ZNF773: variants seen among roughly 807,000 people sequenced by gnomAD.
ZNF773 encodes zinc finger protein 773.
Under a neutral mutation model 12.8 loss-of-function variants are expected in ZNF773, and 11 were observed. The ratio of observed to expected loss-of-function variants is 0.86; its 90% CI spans 0.54 to 1.42. ZNF773 has a LOEUF of 1.42. ZNF773 is among the 40% of genes most tolerant of loss of function. ZNF773 has a pLI of 0.00. For missense variants in ZNF773, 518 were observed against 527.2 expected, an observed-to-expected ratio of 0.98 and a Z score of 0.17; for synonymous variants, 175 against 178.4, an observed-to-expected ratio of 0.98 and a Z score of 0.15.
intron 3 of ZNF773, 81 bp downstream of exon 3, chr19:57,505,481 G>T: frequency 6.8e-7 from 1 of 1,460,156 alleles, no homozygotes; most frequent in African/African-American, 1.4e-5. Flanking sequence ...AGTGGGCCCA[G>T]ATATTTTGAT....
rs745797509 is a variant in ZNF773, at chr19:57,505,371, G to T, written c.233G>T (p.Trp78Leu). The T allele has an allele frequency of 8.7e-6, 14 of 1,613,922 alleles. No homozygotes were observed. The African/African-American group carries it at 9.3e-5, about 11-fold the overall frequency. ...TGGGAGGAGCCCTTCATGCCTGCTT[G>T]GGAAGTTGTGACTTCAGCCATACTG... Reference protein sequence around the residue: ...ESWEEPFMPAWEVVTSAILRG... With the variant: ...ESWEEPFMPALEVVTSAILRG... Residue 78 changes from tryptophan to leucine, a missense_variant, in exon 3 of 4, where the codon TGG (tryptophan) becomes TTG (leucine). By Grantham distance (61) the Trp-to-Leu change is moderately conservative. Coordinates refer to ENST00000282292, the MANE Select transcript of ZNF773 (RefSeq NM_198542.3).
Position 57,507,407 on chromosome 19 carries a change from A to G in ZNF773, c.1312A>G (p.Thr438Ala). Reference protein sequence around the residue: ...SSLVKHRRIHTGEIQ With the variant: ...SSLVKHRRIHAGEIQ ...TCTTGTTAAACATCGAAGGATTCAC[A>G]CTGGAGAAATACAATGATTGTGAGA... is the stretch of plus-strand genomic sequence containing the variant. The change falls in exon 4 of 4, where the codon ACT becomes GCT. Residue 438 changes from threonine (T) to alanine (A), a missense_variant. Physicochemically the swap from Thr to Ala is moderately conservative, Grantham distance 58 (BLOSUM62 0). Coordinates refer to ENST00000282292, the MANE Select transcript of ZNF773 (RefSeq NM_198542.3). The G allele has an allele frequency of 1.2e-6, 2 of 1,600,644 alleles. No homozygotes were observed. Among genetic ancestry groups the G allele is most frequent in the Non-Finnish European group, 1.7e-6 (2 of 1,174,688 alleles).
chr19:57,501,284 T>TC (rs1003019938), intron 1 of ZNF773, among the ~76,000 whole-genome samples: 19 of 149,716 alleles, frequency 1.3e-4, no homozygotes, highest in African/African-American at 2.7e-4. Context: ...TTTCTTTCTT[T>TC]TTTTTTTTTT....
At position 57,507,130 on chromosome 19, in the gene ZNF773, C is replaced by A. The variant is rs1227512204; in HGVS notation, c.1035C>A (p.Ser345Arg). The stretch of plus-strand genomic sequence containing the variant: ...GAAAATTCTATAGCCACAAGTCCAG[C>A]CTTATCAATCATTGGCGTGTTCACA... ...ECGKFYSHKS[S>R]LINHWRVHTG... is the part of the protein sequence containing the mutation. The change falls in exon 4 of 4, where the codon AGC becomes AGA. Residue 345 changes from serine to arginine, a missense_variant. Transcript: ENST00000282292. The A allele has an allele frequency of 6.2e-7, 1 of 1,613,678 alleles. No individual in the cohort carries two copies. The highest frequency in any genetic ancestry group is 1.3e-5 in the African/African-American group (1 of 74,884).
chr19:57,507,753 T>C lies in ZNF773; in HGVS notation c.*329T>C. On this transcript the variant is annotated 3_prime_UTR_variant, in exon 4 of 4. Coordinates refer to ENST00000282292, the MANE Select transcript of ZNF773 (RefSeq NM_198542.3). ...ACTTTGGGAGGCTGAAGCGGGCGGA[T>C]CACAAGGTCAGGACATCGAAACCAT... is the stretch of plus-strand genomic sequence containing the variant. 4 of 1,075,974 alleles carry C rather than the reference T, an allele frequency of 3.7e-6. No individual in the cohort carries two copies. In the South Asian group the frequency reaches 1.1e-4, roughly 29 times the overall value. The allele number at this position is 1,075,974 out of a possible 1,614,324, so 66.7% of individuals were successfully genotyped here. A position where few individuals can be genotyped will look rare whatever the true frequency, so the allele number is the denominator to read the frequency against.
intron 1 of ZNF773, among the ~76,000 whole-genome samples, chr19:57,501,152 T>C (rs1198611889): frequency 1.3e-5 from 2 of 152,146 alleles, no homozygotes; most frequent in African/African-American, 2.4e-5. Context: ...TTTCCCTAGC[T>C]ATCAGCACAG....
At chr19:57,500,234 G>A in intron 1 of ZNF773, 121 bp downstream of exon 1, 1 of 1,338,190 alleles carries the variant, frequency 7.5e-7, no homozygotes, top group Non-Finnish European at 9.9e-7. Flanking sequence ...CTGACACGCA[G>A]TGTGATGGGG....
downstream of ZNF773, among the ~76,000 whole-genome samples, chr19:57,510,638 G>A (rs922297390): frequency 2.0e-5 from 3 of 151,888 alleles, no homozygotes; most frequent in Non-Finnish European, 2.9e-5. Context: ...ATTGAGTTTA[G>A]CAAGGTCCTA....
intron 1 of ZNF773, among the ~76,000 whole-genome samples, chr19:57,503,843 A>G (rs2089696437): frequency 6.6e-6 from 1 of 152,046 alleles, no homozygotes; most frequent in Non-Finnish European, 1.5e-5. Flanking sequence ...TTTCGGGTAG[A>G]GACAGGGTTT....
chr19:57,514,910 A>G (rs978538142), downstream of ZNF773: 13 of 152,218 alleles, frequency 8.5e-5, no homozygotes, highest in Non-Finnish European at 1.8e-4. Flanking sequence ...TCACAAGCCT[A>G]TTCCAGGCAG....
chr19:57,503,331 C>A (rs539411087), intron 1 of ZNF773, among the ~76,000 whole-genome samples: 1 of 152,106 alleles, frequency 6.6e-6, no homozygotes, highest in Non-Finnish European at 1.5e-5. Flanking sequence ...AGAACTGGGT[C>A]TCTTGCTTGG....
At chr19:57,513,085 C>T, downstream of ZNF773, 11 of 1,516,612 alleles carry the variant, frequency 7.3e-6, no homozygotes, top group Non-Finnish European at 9.7e-6. Flanking sequence ...TCTGCTGGAG[C>T]AGAGAAAGTG....
downstream of ZNF773, chr19:57,516,475 C>A (rs1208059445): frequency 3.9e-5 from 6 of 152,356 alleles, no homozygotes; most frequent in Admixed American, 3.3e-4. Flanking sequence ...ACCCCTAACT[C>A]CCCCTGACAG....
intron 1 of ZNF773, among the ~76,000 whole-genome samples, chr19:57,500,948 G>A (rs2089662801): frequency 6.6e-6 from 1 of 152,188 alleles, no homozygotes; most frequent in South Asian, 2.1e-4. Flanking sequence ...GAGTTTCGTG[G>A]TCCGAAGTGA....
In ZNF773 at chr19:57,499,943, C is replaced by G. The variant is rs1395484459; in HGVS notation, c.-138C>G. The G allele has an allele frequency of 6.1e-5, 73 of 1,201,006 alleles. No individual in the cohort carries two copies. The highest frequency in any genetic ancestry group is 8.1e-5 in the Non-Finnish European group (72 of 885,264). The allele number at this position is 1,201,006 out of a possible 1,614,324, so 74.4% of individuals were successfully genotyped here. On this transcript the variant is annotated 5_prime_UTR_variant, in exon 1 of 4. Transcript: ENST00000282292. ...CAGCTTGCCGGAAGCTGGTTGTTCG[C>G]TGCGGCGACCAGCTCCGGAAAGCGC...
At chr19:57,500,255 G>A (rs2089654031) in intron 1 of ZNF773, 142 bp downstream of exon 1, 2 of 1,222,126 alleles carry the variant, frequency 1.6e-6, no homozygotes, top group African/African-American at 1.6e-5. Flanking sequence ...TGGCAATGGA[G>A]GGCAAGGGGC....
rs147592761 is a variant in ZNF773 at position 57,507,181 on chromosome 19, T to C, written c.1086T>C (p.Ser362=). 2.2e-4 allele frequency: 363 copies of C among 1,613,984 alleles called. 1 individual carries two copies. The African/African-American group carries it at 4.2e-3, about 19-fold the overall frequency. Residue 362 remains serine, a synonymous_variant, in exon 4 of 4, where the codon AGT becomes AGC. Transcript: ENST00000282292. The stretch of plus-strand genomic sequence containing the variant: ...CTGGAGAAAGGCCTTATGAGTGCAG[T>C]GAATGTGGGAAATTTTTTAGCCAAA... ...VHTGERPYEC[S]ECGKFFSQSS...
Position 57,506,769 on chromosome 19 carries a change from G to A in ZNF773, c.674G>A (p.Gly225Glu). ...GEKPYECSEC[G>E]KLFSHKSNLF... ...AAGCCTTATGAATGCAGTGAATGTGGGAAGTTATTTAGCCATAAGTCCAAC... is the reference window on the plus strand; with the variant it reads ...AAGCCTTATGAATGCAGTGAATGTGAGAAGTTATTTAGCCATAAGTCCAAC... The change falls in exon 4 of 4, where the codon GGG becomes GAG. Residue 225 changes from glycine (G) to glutamate (E), a missense_variant. Transcript: ENST00000282292. 2 of 1,614,246 alleles carry A rather than the reference G, an allele frequency of 1.2e-6. No homozygotes were observed. The highest frequency in any genetic ancestry group is 1.7e-6 in the Non-Finnish European group (2 of 1,180,046).
rs1356313512 is a variant in ZNF773 at position 57,502,393 on chromosome 19, G to C, written c.34-2264G>C. Among the ~76,000 whole-genome samples, 14 of 152,232 alleles carry C rather than the reference G, an allele frequency of 9.2e-5. 1 individual carries two copies. The South Asian group carries it at 2.5e-3, about 27-fold the overall frequency. ...TAGATCTCCATTATGACTGGGGGAA[G>C]CATCAGCAGGTATAAGGCAGACCTG... is the stretch of plus-strand genomic sequence containing the variant. On this transcript the variant is annotated intron_variant, in intron 1 of 3. Transcript: ENST00000282292.
Sources: gnomAD v4.1 joint callset for allele counts (sites outside exome capture counted in the v4.1 genomes callset) on GRCh38, gnomAD v4.1.1 for gene constraint, MANE v1.5 for transcripts, NCBI Gene and HGNC (gene_info 2026-07-23, HGNC 2026-07-21) for gene names.